Variants in MPHOSPH10 observed in about 807,000 individuals in gnomAD.
MPHOSPH10 encodes the protein U3 small nucleolar ribonucleoprotein MPP10.
In MPHOSPH10, 33 loss-of-function variants were observed where a neutral mutation model predicts 77.3. That is an observed-to-expected ratio of 0.43 (90% CI 0.32 to 0.57). MPHOSPH10 has a LOEUF of 0.57. MPHOSPH10 is among the 20% of genes least tolerant of loss of function. The probability of loss-of-function intolerance (pLI) is 0.07; values close to 1 mark genes in which losing one functional copy is unlikely to be tolerated. For synonymous variants in MPHOSPH10, 245 were observed against 268.0 expected (o/e 0.91, Z 0.84); for missense variants, 708 against 780.1 (o/e 0.91, Z 1.10).
At chr2:71,144,651 G>T in intron 8 of MPHOSPH10, 113 bp downstream of exon 8, 1 of 780,666 alleles carries the variant, frequency 1.3e-6, no homozygotes. Flanking sequence ...GTAGTTTGCT[G>T]TAAATTCCAG....
chr2:71,139,701 C>G, intron 5 of MPHOSPH10, 94 bp from the exon 6 acceptor site: 1 of 805,702 alleles, frequency 1.2e-6, no homozygotes, highest in Non-Finnish European at 2.0e-6. Context: ...CTAACAAGTT[C>G]CCACGTGTTG....
In MPHOSPH10 at chr2:71,135,739, G is replaced by C. The variant is rs1180022040; in HGVS notation, c.1098+942G>C. ...TTTTTTGAGACAGAGTTTCACTCTTGTCACCCAGGCTGGAGTGCAGTGGCG... is the reference window on the plus strand; with the variant it reads ...TTTTTTGAGACAGAGTTTCACTCTTCTCACCCAGGCTGGAGTGCAGTGGCG... On this transcript the variant is annotated intron_variant, in intron 4 of 10. Transcript: ENST00000244230. Among the ~76,000 whole-genome samples, 5 of 114,706 alleles carry C rather than the reference G, an allele frequency of 4.4e-5. No individual in the cohort carries two copies. In the East Asian group the frequency reaches 1.4e-3, roughly 32 times the overall value. The allele number at this position is 114,706 out of a possible 152,430, so 75.3% of individuals were successfully genotyped here.
In MPHOSPH10 at chr2:71,133,063, A is replaced by G. The variant is rs568756322; in HGVS notation, c.255A>G (p.Glu85=). 2.4e-5 allele frequency: 39 copies of G among 1,614,180 alleles called. No homozygotes were observed. In the South Asian group the frequency reaches 3.8e-4, roughly 16 times the overall value. ...QIWQQLELQN[E]PILQYFQNAV... The stretch of plus-strand genomic sequence containing the variant: ...GGCAACAACTGGAATTGCAAAATGA[A>G]CCAATTTTACAATACTTTCAGAATG... The change falls in exon 2 of 11, where the codon GAA becomes GAG. Residue 85 remains glutamate, a synonymous_variant. Coordinates refer to ENST00000244230, the MANE Select transcript of MPHOSPH10 (RefSeq NM_005791.3).
chr2:71,144,801 C>G (rs1673676993), intron 8 of MPHOSPH10, among the ~76,000 whole-genome samples: 1 of 152,036 alleles, frequency 6.6e-6, no homozygotes, highest in African/African-American at 2.4e-5. Flanking sequence ...TTTAACTTAC[C>G]TCACACTTTA....
At chr2:71,149,121 G>A in intron 9 of MPHOSPH10, 102 bp from the exon 10 acceptor site, 1 of 1,060,690 alleles carries the variant, frequency 9.4e-7, no homozygotes, top group Non-Finnish European at 1.4e-6. Flanking sequence ...TTTGGCCACA[G>A]ATGCACAGCC....
chr2:71,134,288 A>G (rs1381550738), intron 3 of MPHOSPH10, among the ~76,000 whole-genome samples, 183 bp downstream of exon 3: 1 of 152,224 alleles, frequency 6.6e-6, no homozygotes, highest in Non-Finnish European at 1.5e-5. Flanking sequence ...ATGAAGAAAA[A>G]TATCTCTGGT....
chr2:71,135,702 C>CTTTTTTTTTTTTTTTTT (rs781167523), intron 4 of MPHOSPH10, among the ~76,000 whole-genome samples: 1 of 130,664 alleles, frequency 7.7e-6, no homozygotes, highest in Non-Finnish European at 1.6e-5. Context: ...TTTTCTTTTT[C>CTTTTTTTTTTTTTTTTT]TTTTTTTTTT....
chr2:71,133,860 T>A (rs1328462855), intron 2 of MPHOSPH10, 88 bp from the exon 3 acceptor site: 1 of 968,360 alleles, frequency 1.0e-6, no homozygotes, highest in East Asian at 2.7e-5. Flanking sequence ...AAGTAATATA[T>A]ACATACAATA....
chr2:71,138,736 A>G, intron 5 of MPHOSPH10, 105 bp downstream of exon 5: 1 of 1,481,286 alleles, frequency 6.8e-7, no homozygotes, highest in Non-Finnish European at 9.3e-7. Context: ...TTTTATTTTA[A>G]AAACTTGTAA....
chr2:71,135,156 C>CCTT (rs1266882127), intron 4 of MPHOSPH10, among the ~76,000 whole-genome samples: 1 of 151,166 alleles, frequency 6.6e-6, no homozygotes, highest in African/African-American at 2.4e-5. Context: ...GCAAGCAAGA[C>CCTT]CTTGTCTTAA....
chr2:71,139,245 T>C (rs968175610), intron 5 of MPHOSPH10: 1 of 161,166 alleles, frequency 6.2e-6, no homozygotes, highest in Non-Finnish European at 1.4e-5. Flanking sequence ...TTTGCAGATA[T>C]CGTCTAAGAA....
intron 4 of MPHOSPH10, 142 bp from the exon 5 acceptor site, chr2:71,138,348 C>T (rs1272058510): frequency 1.5e-5 from 10 of 680,098 alleles, no homozygotes; most frequent in Middle Eastern, 4.1e-4. Context: ...AGGAAGTCAT[C>T]GACAGAATAA....
intron 8 of MPHOSPH10, 120 bp downstream of exon 8, chr2:71,144,658 C>A: frequency 1.4e-6 from 1 of 735,580 alleles, no homozygotes; most frequent in Non-Finnish European, 2.2e-6. Context: ...GCTGTAAATT[C>A]CAGGCAGGGT....
chr2:71,133,584 T>A lies in MPHOSPH10; in HGVS notation c.768+8T>A. On this transcript the variant is annotated splice_region_variant and intron_variant, in intron 2 of 10. Coordinates refer to ENST00000244230, the MANE Select transcript of MPHOSPH10 (RefSeq NM_005791.3). Reference sequence around the variant, plus strand: ...GGAAGTAAAAAACTTAAGGTAAAGTTTTGAGAGAAGAGAGAGCACTTTCCT... The same window carrying A: ...GGAAGTAAAAAACTTAAGGTAAAGTATTGAGAGAAGAGAGAGCACTTTCCT... 1 of 1,544,000 alleles carries A rather than the reference T, an allele frequency of 6.5e-7. No homozygotes were observed. Among genetic ancestry groups the A allele is most frequent in the Non-Finnish European group, 8.7e-7 (1 of 1,153,002 alleles).
chr2:71,138,330 G>A (rs890616301), intron 4 of MPHOSPH10, among the ~76,000 whole-genome samples, 160 bp from the exon 5 acceptor site: 2 of 152,186 alleles, frequency 1.3e-5, no homozygotes, highest in African/African-American at 4.8e-5. Flanking sequence ...ACCATAGGCA[G>A]CAGAAATAGG....
chr2:71,139,034 CT>C, intron 5 of MPHOSPH10: 1 of 416,056 alleles, frequency 2.4e-6, no homozygotes, highest in Non-Finnish European at 4.3e-6. Context: ...CAGAGCGACA[CT>C]CTGTCAAAAA....
chr2:71,137,433 A>T (rs1673518066), intron 4 of MPHOSPH10, among the ~76,000 whole-genome samples: 1 of 152,110 alleles, frequency 6.6e-6, no homozygotes, highest in South Asian at 2.1e-4. Flanking sequence ...CCAAGGCAGG[A>T]GGATTGCTTG....
chr2:71,136,913 A>AACACACACACACACACACACAC (rs56768441), intron 4 of MPHOSPH10, among the ~76,000 whole-genome samples: 1 of 119,040 alleles, frequency 8.4e-6, no homozygotes, highest in Non-Finnish European at 1.7e-5. Context: ...GTAGCATTAA[A>AACACACACACACACACACACAC]ACACACACAC....
Position 71,138,617 on chromosome 2 carries a change from A to T in MPHOSPH10, c.1226A>T (p.His409Leu). Residue 409 changes from histidine to leucine, a missense_variant, in exon 5 of 11, where the codon CAT becomes CTT. By Grantham distance (99) the His-to-Leu change is moderately conservative. Around this residue, in one of 3 missense-constraint regions of MPHOSPH10, gnomAD observed 263 missense variants for 320.0 expected, o/e 0.82. Coordinates refer to ENST00000244230, the MANE Select transcript of MPHOSPH10 (RefSeq NM_005791.3). ...CTGGAGGAGACCCTACACTTTGACC[A>T]TGCTGTCCGGATGGGTATGGTGCCC... The part of the protein sequence containing the change: ...SLLEETLHFD[H>L]AVRMAPVITE... The T allele has an allele frequency of 6.2e-7, 1 of 1,614,176 alleles. No homozygotes were observed. The highest frequency in any genetic ancestry group is 8.5e-7 in the Non-Finnish European group (1 of 1,180,022).
Sources: allele counts gnomAD v4.1 joint callset (sites outside exome capture counted in the v4.1 genomes callset), GRCh38; gene constraint gnomAD v4.1.1; regional missense constraint gnomAD v4.1.1; transcripts MANE v1.5; gene names NCBI Gene and HGNC (gene_info 2026-07-23, HGNC 2026-07-21).